CLASP1: variants seen among roughly 807,000 people sequenced by gnomAD.
The protein encoded by CLASP1 is CLIP-associating protein 1.
CLASP1 carries 38 observed loss-of-function variants against 192.3 expected under a neutral mutation model. That is an observed-to-expected ratio of 0.20 (90% CI 0.15 to 0.26). The LOEUF is 0.26. CLASP1 is among the 10% of genes least tolerant of loss of function. CLASP1 has a pLI of 1.00. For missense variants in CLASP1, 1,433 were observed against 1,932.5 expected, an observed-to-expected ratio of 0.74 and a Z score of 4.85; for synonymous variants, 691 against 712.8, an observed-to-expected ratio of 0.97 and a Z score of 0.49.
chr2:121,450,812 A>T (rs959432528), intron 16 of CLASP1, 101 bp downstream of exon 16: 1 of 795,440 alleles, frequency 1.3e-6, no homozygotes, highest in Non-Finnish European at 2.0e-6. Flanking sequence ...CATGGTTAAC[A>T]AATATGTTCA....
intron 32 of CLASP1, among the ~76,000 whole-genome samples, chr2:121,386,841 A>G (rs975612191): frequency 1.1e-4 from 17 of 152,216 alleles, no homozygotes; most frequent in African/African-American, 4.1e-4. Flanking sequence ...AACAGTACTA[A>G]ATACAAACTT....
exon 40 of CLASP1, chr2:121,338,048 A>C (rs1256814124): frequency 6.6e-6 from 1 of 152,502 alleles, no homozygotes; most frequent in Non-Finnish European, 1.5e-5. Flanking sequence ...TTGGTGGCTG[A>C]TATTTTTTCA....
At chr2:121,361,749 C>CTAG (rs1433567051) in intron 37 of CLASP1, among the ~76,000 whole-genome samples, 3 of 152,190 alleles carry the variant, frequency 2.0e-5, no homozygotes, top group African/African-American at 7.2e-5. Flanking sequence ...GTTGATCGTA[C>CTAG]TAGCTCATCT....
intron 9 of CLASP1, among the ~76,000 whole-genome samples, chr2:121,469,053 T>C (rs1264986033): frequency 2.0e-5 from 3 of 150,522 alleles, no homozygotes; most frequent in African/African-American, 7.3e-5. Context: ...TGTTTTCTGT[T>C]TGTTTTTCGT....
At chr2:121,514,100 T>C (rs2094218516) in intron 7 of CLASP1, among the ~76,000 whole-genome samples, 3 of 152,314 alleles carry the variant, frequency 2.0e-5, no homozygotes, top group Admixed American at 6.5e-5. Flanking sequence ...CATTAACTCT[T>C]TCCTGCACTC....
chr2:121,574,661 G>A (rs1238941867), intron 2 of CLASP1, among the ~76,000 whole-genome samples: 5 of 149,040 alleles, frequency 3.4e-5, no homozygotes, highest in South Asian at 4.2e-4. Flanking sequence ...AACAAAAACC[G>A]GGTGCGGTGG....
intron 14 of CLASP1, among the ~76,000 whole-genome samples, chr2:121,455,712 TAGC>T (rs1316486683): frequency 1.3e-5 from 2 of 152,018 alleles, no homozygotes; most frequent in African/African-American, 4.8e-5. Context: ...ATTTAAAACT[TAGC>T]TGGGGGCGTG....
intron 1 of CLASP1, among the ~76,000 whole-genome samples, chr2:121,611,101 G>A (rs576692243): frequency 7.0e-6 from 1 of 143,804 alleles, no homozygotes. Flanking sequence ...GGAGTTACAG[G>A]AGAAAGAGGA....
At chr2:121,598,292 T>C (rs941345298) in intron 2 of CLASP1, among the ~76,000 whole-genome samples, 1 of 152,182 alleles carries the variant, frequency 6.6e-6, no homozygotes, top group Non-Finnish European at 1.5e-5. Flanking sequence ...CAGCTCACTG[T>C]AGATGATTAG....
intron 2 of CLASP1, among the ~76,000 whole-genome samples, chr2:121,585,796 CTG>C (rs2061655649): frequency 1.3e-5 from 2 of 151,552 alleles, no homozygotes; most frequent in African/African-American, 4.9e-5. Context: ...GCTCAGGAGA[CTG>C]AGCCAGGAGA....
chr2:121,575,518 G>GT (rs1410225637), intron 2 of CLASP1, among the ~76,000 whole-genome samples: 1 of 151,312 alleles, frequency 6.6e-6, no homozygotes, highest in East Asian at 1.9e-4. Flanking sequence ...ACACCACAAA[G>GT]TAAAAGGGAG....
At chr2:121,571,623 T>C (rs969207028) in intron 2 of CLASP1, among the ~76,000 whole-genome samples, 2 of 152,064 alleles carry the variant, frequency 1.3e-5, no homozygotes, top group East Asian at 3.9e-4. Flanking sequence ...CAATTTTAAC[T>C]GGGAAAAATT....
intron 2 of CLASP1, among the ~76,000 whole-genome samples, chr2:121,598,534 A>T (rs1457916020): frequency 6.6e-6 from 1 of 152,236 alleles, no homozygotes; most frequent in East Asian, 1.9e-4. Flanking sequence ...TTTTAAGGAA[A>T]AGTTTACTAA....
intron 1 of CLASP1, among the ~76,000 whole-genome samples, chr2:121,642,292 C>T (rs2072244083): frequency 6.8e-6 from 1 of 147,896 alleles, no homozygotes; most frequent in Non-Finnish European, 1.5e-5. Flanking sequence ...TGGCGCACAC[C>T]TGGCTAATCC....
At chr2:121,601,445 T>C (rs988854905) in intron 2 of CLASP1, among the ~76,000 whole-genome samples, 1 of 152,116 alleles carries the variant, frequency 6.6e-6, no homozygotes, top group Non-Finnish European at 1.5e-5. Context: ...CTAATTTTTG[T>C]ATTTTTAGTA....
intron 22 of CLASP1, among the ~76,000 whole-genome samples, chr2:121,422,844 T>C (rs2079736086): frequency 6.6e-6 from 1 of 152,150 alleles, no homozygotes; most frequent in Non-Finnish European, 1.5e-5. Context: ...CAGTGCAAAT[T>C]CCAAACCTAG....
At chr2:121,418,059 T>C (rs546871800) in intron 23 of CLASP1, among the ~76,000 whole-genome samples, 4 of 152,280 alleles carry the variant, frequency 2.6e-5, no homozygotes, top group Non-Finnish European at 4.4e-5. Flanking sequence ...AAAGTATGTG[T>C]TGACAGATGT....
chr2:121,591,537 T>C lies in CLASP1; in HGVS notation c.195+14164A>G, dbSNP rs575033916. Among the ~76,000 whole-genome samples, 6 of 152,310 alleles carry C rather than the reference T, an allele frequency of 3.9e-5. No homozygotes were observed. The East Asian group carries it at 1.2e-3, about 29-fold the overall frequency. On this transcript the variant is annotated intron_variant, in intron 2 of 39. Transcript: ENST00000263710. ...TGGCTTCGATTGCCCTGCGAATCAG[T>C]ACTAAATTCCTATACTACAGTGCTG... is the stretch of plus-strand genomic sequence containing the variant.
At chr2:121,346,685 G>C (rs938705623) in intron 39 of CLASP1, among the ~76,000 whole-genome samples, 2 of 152,258 alleles carry the variant, frequency 1.3e-5, no homozygotes, top group African/African-American at 4.8e-5. Flanking sequence ...GAGGGACTCA[G>C]CTCTGATTCA....
Sources: allele counts gnomAD v4.1 joint callset (sites outside exome capture counted in the v4.1 genomes callset), GRCh38; gene constraint gnomAD v4.1.1; transcripts MANE v1.5; gene names NCBI Gene and HGNC (gene_info 2026-07-23, HGNC 2026-07-21).